Variants in MCTP1 observed in about 807,000 individuals in gnomAD.
MCTP1 encodes multiple C2 and transmembrane domain-containing protein 1.
Under a neutral mutation model 120.6 loss-of-function variants are expected in MCTP1, and 69 were observed. That is an observed-to-expected ratio of 0.57 (90% CI 0.47 to 0.70). MCTP1 has a LOEUF of 0.70. Among genes scored for constraint, MCTP1 ranks in the 30% least tolerant of loss-of-function variants. MCTP1 has a pLI of 0.00. For synonymous variants in MCTP1, 529 were observed against 493.1 expected (o/e 1.07, Z -0.96); for missense variants, 1,203 against 1,248.8 (o/e 0.96, Z 0.55).
At chr5:94,877,113 C>A (rs988126630) in intron 12 of MCTP1, among the ~76,000 whole-genome samples, 1 of 152,006 alleles carries the variant, frequency 6.6e-6, no homozygotes, top group African/African-American at 2.4e-5. Context: ...GAAGCAAAGA[C>A]TTTTCCAGTG....
At chr5:94,929,273 T>C (rs1813929186) in intron 6 of MCTP1, among the ~76,000 whole-genome samples, 1 of 152,162 alleles carries the variant, frequency 6.6e-6, no homozygotes, top group Non-Finnish European at 1.5e-5. Context: ...TGCTACAAAA[T>C]TTACACTTCT....
chr5:94,889,985 A>C (rs1057495658), intron 11 of MCTP1, among the ~76,000 whole-genome samples: 1 of 152,194 alleles, frequency 6.6e-6, no homozygotes, highest in Non-Finnish European at 1.5e-5. Flanking sequence ...TTTGGAGATT[A>C]GTGGCTTTTT....
intron 1 of MCTP1, among the ~76,000 whole-genome samples, chr5:95,096,955 T>A (rs566715579): frequency 3.3e-5 from 5 of 152,178 alleles, no homozygotes; most frequent in Admixed American, 2.6e-4. Context: ...TGTGATTCCA[T>A]TATGTCTTTG....
intron 1 of MCTP1, among the ~76,000 whole-genome samples, chr5:95,035,206 A>G (rs1409404822): frequency 6.6e-6 from 1 of 152,050 alleles, no homozygotes. Context: ...TTGACCTAAC[A>G]ATCTTACTAC....
chr5:95,168,864 C>G (rs980145555), intron 1 of MCTP1, among the ~76,000 whole-genome samples: 1 of 152,164 alleles, frequency 6.6e-6, no homozygotes, highest in Non-Finnish European at 1.5e-5. Context: ...TTGACTTCCT[C>G]TTTTCCTAAT....
At chr5:94,796,953 T>C (rs565637452) in intron 18 of MCTP1, among the ~76,000 whole-genome samples, 4 of 152,004 alleles carry the variant, frequency 2.6e-5, no homozygotes, top group Non-Finnish European at 5.9e-5. Context: ...AGTTAGACTA[T>C]AGAATGTTTC....
At chr5:95,005,446 T>C (rs1215238553) in intron 2 of MCTP1, among the ~76,000 whole-genome samples, 4 of 152,036 alleles carry the variant, frequency 2.6e-5, no homozygotes, top group African/African-American at 4.8e-5. Context: ...GGGTGGAATA[T>C]TATGGTTTGG....
Position 94,705,787 on chromosome 5 carries a change from A to G in MCTP1, c.*1709T>C, listed in dbSNP as rs1754416003. 1 of 151,508 alleles carries G rather than the reference A, an allele frequency of 6.6e-6. No individual in the cohort carries two copies. The highest frequency in any genetic ancestry group is 2.4e-5 in the African/African-American group (1 of 41,300). The allele number at this position is 151,508 out of a possible 1,614,324, so 9.4% of individuals were successfully genotyped here. ...GTTATTTCAAACAGTTATCTCATCA[A>G]TAAACTTTCTGTAGTAACATCATGT... On this transcript the variant is annotated 3_prime_UTR_variant, in exon 23 of 23. Coordinates refer to ENST00000515393, the MANE Select transcript of MCTP1 (RefSeq NM_024717.7).
chr5:94,942,616 T>C (rs781318360), intron 3 of MCTP1, among the ~76,000 whole-genome samples, 189 bp from the exon 4 acceptor site: 15 of 152,126 alleles, frequency 9.9e-5, no homozygotes, highest in African/African-American at 1.4e-4. Context: ...AACTACATTT[T>C]ATTTTTTACT....
At chr5:95,157,270 G>C (rs1163951513) in intron 1 of MCTP1, among the ~76,000 whole-genome samples, 4 of 152,062 alleles carry the variant, frequency 2.6e-5, no homozygotes, top group Non-Finnish European at 5.9e-5. Flanking sequence ...GTTTCTTTGG[G>C]AATGGGACAT....
chr5:94,962,050 C>T (rs1308708857), intron 2 of MCTP1, among the ~76,000 whole-genome samples: 3 of 151,964 alleles, frequency 2.0e-5, no homozygotes, highest in Non-Finnish European at 2.9e-5. Context: ...AAATGGTCAA[C>T]GTCACTAATA....
chr5:95,081,612 G>T (rs891631064), intron 1 of MCTP1: 7 of 1,399,116 alleles, frequency 5.0e-6, no homozygotes, highest in Non-Finnish European at 4.7e-6. Flanking sequence ...CCTGCACGGA[G>T]CACTTGCTGC....
chr5:94,924,397 A>G (rs949833020), intron 6 of MCTP1, among the ~76,000 whole-genome samples: 2 of 152,184 alleles, frequency 1.3e-5, no homozygotes, highest in African/African-American at 4.8e-5. Context: ...ATTGAACTTC[A>G]GAGCATTTTT....
chr5:95,175,608 A>T (rs779129042), intron 1 of MCTP1, among the ~76,000 whole-genome samples: 9 of 152,218 alleles, frequency 5.9e-5, no homozygotes, highest in Non-Finnish European at 8.8e-5. Flanking sequence ...TTGCAAATCA[A>T]ATTCTAAAGC....
chr5:95,098,923 G>C (rs1490646148), intron 1 of MCTP1, among the ~76,000 whole-genome samples: 1 of 152,106 alleles, frequency 6.6e-6, no homozygotes, highest in Admixed American at 6.6e-5. Context: ...CCAAAACAGA[G>C]ATATAGATTA....
intron 1 of MCTP1, among the ~76,000 whole-genome samples, chr5:95,095,965 G>A (rs1384812678): frequency 1.3e-5 from 2 of 152,174 alleles, no homozygotes; most frequent in African/African-American, 4.8e-5. Context: ...CCAAGGAGAT[G>A]GCTGGCATGT....
chr5:95,097,440 G>A (rs974895422), intron 1 of MCTP1, among the ~76,000 whole-genome samples: 1 of 152,200 alleles, frequency 6.6e-6, no homozygotes, highest in African/African-American at 2.4e-5. Flanking sequence ...CAAGGGCCTT[G>A]GGATAGGAAA....
chr5:94,890,463 A>G (rs527668556), intron 11 of MCTP1, among the ~76,000 whole-genome samples: 1 of 152,342 alleles, frequency 6.6e-6, no homozygotes, highest in Admixed American at 6.5e-5. Context: ...TTACCTAAAG[A>G]CTATTTTCTA....
At chr5:95,000,818 A>T (rs1833533032) in intron 2 of MCTP1, among the ~76,000 whole-genome samples, 1 of 152,248 alleles carries the variant, frequency 6.6e-6, no homozygotes, top group African/African-American at 2.4e-5. Flanking sequence ...TATCACCTAC[A>T]GTAAAGTCCT....
Sources: allele counts gnomAD v4.1 joint callset (sites outside exome capture counted in the v4.1 genomes callset), GRCh38; gene constraint gnomAD v4.1.1; transcripts MANE v1.5; gene names NCBI Gene and HGNC (gene_info 2026-07-23, HGNC 2026-07-21).